Variants in SMAP1 observed in about 807,000 individuals in gnomAD.
SMAP1 encodes stromal membrane-associated protein 1.
Under a neutral mutation model 58.5 loss-of-function variants are expected in SMAP1, and 24 were observed. That is an observed-to-expected ratio of 0.41 (90% CI 0.30 to 0.58). The LOEUF (loss-of-function observed/expected upper bound fraction) is 0.58, where lower values mean the gene tolerates loss of function less well. SMAP1 is among the 20% of genes least tolerant of loss of function. The probability of loss-of-function intolerance (pLI) is 0.29; values close to 1 mark genes in which losing one functional copy is unlikely to be tolerated. For synonymous variants in SMAP1, 216 were observed against 196.6 expected (o/e 1.10, Z -0.82); for missense variants, 563 against 566.3 (o/e 0.99, Z 0.06).
chr6:70,678,228 A>G (rs537088617), intron 1 of SMAP1, among the ~76,000 whole-genome samples: 1 of 152,258 alleles, frequency 6.6e-6, no homozygotes, highest in East Asian at 1.9e-4. Flanking sequence ...CCATTTGACT[A>G]GAGATCCAAG....
At chr6:70,696,173 G>T (rs1166864129) in intron 1 of SMAP1, among the ~76,000 whole-genome samples, 1 of 150,984 alleles carries the variant, frequency 6.6e-6, no homozygotes, top group African/African-American at 2.4e-5. Context: ...TCTTCGTCTG[G>T]CTTATCTTTT....
At chr6:70,744,818 A>C (rs1765959918) in intron 2 of SMAP1, among the ~76,000 whole-genome samples, 1 of 152,178 alleles carries the variant, frequency 6.6e-6, no homozygotes, top group Non-Finnish European at 1.5e-5. Flanking sequence ...GTTTCTCCAC[A>C]TCCTCTCCAG....
At chr6:70,791,169 TC>T (rs958955209) in intron 4 of SMAP1, among the ~76,000 whole-genome samples, 89 of 152,314 alleles carry the variant, frequency 5.8e-4, no homozygotes, top group African/African-American at 2.0e-3. Context: ...AATCTGCTCT[TC>T]TTTTCTCCTA....
At chr6:70,691,351 G>T (rs1475393779) in intron 1 of SMAP1, among the ~76,000 whole-genome samples, 1 of 151,688 alleles carries the variant, frequency 6.6e-6, no homozygotes, top group African/African-American at 2.4e-5. Context: ...ATATTTATGG[G>T]GTACATGAGA....
At chr6:70,818,803 C>T (rs971246989) in intron 6 of SMAP1, among the ~76,000 whole-genome samples, 3 of 152,196 alleles carry the variant, frequency 2.0e-5, no homozygotes, top group African/African-American at 7.2e-5. Context: ...GAGAACTGTG[C>T]TAGTAACGTT....
intron 4 of SMAP1, among the ~76,000 whole-genome samples, chr6:70,784,716 A>G (rs1767926429): frequency 6.6e-6 from 1 of 152,234 alleles, no homozygotes; most frequent in Non-Finnish European, 1.5e-5. Flanking sequence ...AGACCATTAC[A>G]TAATGGTAAA....
At chr6:70,735,843 T>C (rs1375208796) in intron 2 of SMAP1, among the ~76,000 whole-genome samples, 6 of 152,234 alleles carry the variant, frequency 3.9e-5, no homozygotes, top group Non-Finnish European at 5.9e-5. Flanking sequence ...TACATAGTTA[T>C]ACCCTTTGTC....
intron 1 of SMAP1, among the ~76,000 whole-genome samples, chr6:70,722,515 A>G (rs1768574438): frequency 6.6e-6 from 1 of 152,186 alleles, no homozygotes; most frequent in Non-Finnish European, 1.5e-5. Flanking sequence ...TGTCAGGGAG[A>G]CCCTAACCCA....
intron 5 of SMAP1, among the ~76,000 whole-genome samples, chr6:70,792,560 C>T (rs1029400076): frequency 1.3e-5 from 2 of 151,928 alleles, no homozygotes; most frequent in Non-Finnish European, 2.9e-5. Context: ...GAGGTACGCT[C>T]ACTGTACTGC....
chr6:70,772,681 CAAGAATTTA>C (rs1233894469), intron 3 of SMAP1, among the ~76,000 whole-genome samples: 3 of 152,162 alleles, frequency 2.0e-5, no homozygotes, highest in Non-Finnish European at 4.4e-5. Flanking sequence ...CAGACAACTT[CAAGAATTTA>C]AAGAAGACTA....
chr6:70,833,117 G>T (rs1770430734), intron 6 of SMAP1, among the ~76,000 whole-genome samples: 1 of 152,120 alleles, frequency 6.6e-6, no homozygotes, highest in Non-Finnish European at 1.5e-5. Flanking sequence ...AGCTCTAAAA[G>T]ATTAAGTATT....
intron 1 of SMAP1, among the ~76,000 whole-genome samples, chr6:70,678,973 AC>A (rs1330562125): frequency 6.6e-6 from 1 of 152,028 alleles, no homozygotes; most frequent in Admixed American, 6.6e-5. Context: ...ATTCTGCCTA[AC>A]AAAGTGGATT....
At chr6:70,788,514 T>C (rs1768184913) in intron 4 of SMAP1, among the ~76,000 whole-genome samples, 1 of 152,062 alleles carries the variant, frequency 6.6e-6, no homozygotes, top group Non-Finnish European at 1.5e-5. Flanking sequence ...AGGAGGTGCG[T>C]ACTCCAGACT....
intron 1 of SMAP1, among the ~76,000 whole-genome samples, chr6:70,681,407 A>G (rs1365826089): frequency 1.3e-5 from 2 of 152,222 alleles, no homozygotes; most frequent in Non-Finnish European, 2.9e-5. Context: ...AACCTGGGCA[A>G]CAGAGTAAGA....
chr6:70,796,905 T>A (rs1245643461), intron 5 of SMAP1, among the ~76,000 whole-genome samples: 1 of 152,168 alleles, frequency 6.6e-6, no homozygotes, highest in African/African-American at 2.4e-5. Context: ...GAGCCTGATA[T>A]ATAAACTGTT....
At chr6:70,763,106 C>CTTTTT (rs35936929) in intron 3 of SMAP1, among the ~76,000 whole-genome samples, 18,139 of 84,166 alleles carry the variant, frequency 0.22, 3,332 homozygotes, top group Non-Finnish European at 0.3. Flanking sequence ...ACAGATATTA[C>CTTTTT]TTTTTTTTTT....
chr6:70,828,031 T>C (rs1324143317), intron 6 of SMAP1, among the ~76,000 whole-genome samples: 5 of 152,186 alleles, frequency 3.3e-5, no homozygotes, highest in Non-Finnish European at 5.9e-5. Context: ...ACAAGAATTA[T>C]ATGCAAAATT....
intron 3 of SMAP1, among the ~76,000 whole-genome samples, chr6:70,770,453 TA>T (rs1197934822): frequency 6.6e-6 from 1 of 152,188 alleles, no homozygotes; most frequent in Non-Finnish European, 1.5e-5. Context: ...CGTTTCTTTT[TA>T]TTCTTTTTTC....
chr6:70,723,283 C>A (rs552965792), intron 1 of SMAP1, among the ~76,000 whole-genome samples: 19 of 152,280 alleles, frequency 1.2e-4, no homozygotes, highest in African/African-American at 3.4e-4. Flanking sequence ...CATGCCATTG[C>A]ACCAGGCTTT....
Sources: allele counts gnomAD v4.1 joint callset (sites outside exome capture counted in the v4.1 genomes callset), GRCh38; gene constraint gnomAD v4.1.1; transcripts MANE v1.5; gene names NCBI Gene and HGNC (gene_info 2026-07-23, HGNC 2026-07-21).